PTPRD: variants seen among roughly 807,000 people sequenced by gnomAD.
PTPRD encodes the protein protein tyrosine phosphatase receptor type D.
Under a neutral mutation model 214.5 loss-of-function variants are expected in PTPRD, and 34 were observed. The observed-to-expected ratio is 0.16, with a 90% confidence interval of 0.12 to 0.21. The LOEUF (loss-of-function observed/expected upper bound fraction) is 0.21, where lower values mean the gene tolerates loss of function less well. Ranked by LOEUF, PTPRD falls within the 10% of genes least tolerant of loss-of-function variation. The pLI is 1.00. For synonymous variants in PTPRD, 1,128 were observed against 845.7 expected (o/e 1.33, Z -5.79); for missense variants, 2,545 against 2,398.7 (o/e 1.06, Z -1.27).
At chr9:10,028,677 G>C (rs1438283617) in intron 4 of PTPRD, among the ~76,000 whole-genome samples, 2 of 152,180 alleles carry the variant, frequency 1.3e-5, no homozygotes, top group Non-Finnish European at 2.9e-5. Flanking sequence ...CTTTGAACTT[G>C]AGGGGGATGA....
chr9:9,559,829 G>A (rs1009173131), intron 8 of PTPRD, among the ~76,000 whole-genome samples: 3 of 152,134 alleles, frequency 2.0e-5, no homozygotes, highest in Non-Finnish European at 2.9e-5. Context: ...ATATCCTCAG[G>A]CATGGGAGAG....
intron 7 of PTPRD, among the ~76,000 whole-genome samples, chr9:9,598,917 G>A (rs1361894504): frequency 2.0e-5 from 3 of 151,928 alleles, no homozygotes; most frequent in Non-Finnish European, 4.4e-5. Flanking sequence ...AGTGCCCCCT[G>A]TCTGACATTT....
intron 14 of PTPRD, among the ~76,000 whole-genome samples, chr9:8,628,756 A>C (rs1190440644): frequency 6.6e-6 from 1 of 151,882 alleles, no homozygotes; most frequent in Non-Finnish European, 1.5e-5. Context: ...CTTTTGTCCT[A>C]ATGGTGATCA....
At chr9:9,136,508 C>T (rs1569551052) in intron 10 of PTPRD, among the ~76,000 whole-genome samples, 1 of 152,006 alleles carries the variant, frequency 6.6e-6, no homozygotes, top group East Asian at 1.9e-4. Context: ...AATATAATCA[C>T]TACTTAGATT....
intron 11 of PTPRD, among the ~76,000 whole-genome samples, chr9:8,830,723 G>C (rs2097271018): frequency 1.3e-5 from 2 of 152,210 alleles, no homozygotes; most frequent in East Asian, 1.9e-4. Flanking sequence ...TTTAAAAAGA[G>C]AAAACAAGTG....
chr9:8,365,307 GA>G (rs1439955090), intron 39 of PTPRD, among the ~76,000 whole-genome samples: 16 of 152,206 alleles, frequency 1.1e-4, no homozygotes, highest in Admixed American at 6.5e-5. Context: ...AAGATGTAAA[GA>G]AAATATTTTT....
intron 14 of PTPRD, among the ~76,000 whole-genome samples, chr9:8,600,631 T>C (rs1169337262): frequency 6.6e-6 from 1 of 151,726 alleles, no homozygotes; most frequent in Admixed American, 6.6e-5. Context: ...AGGCCCCAGG[T>C]CCCTGATATT....
At chr9:10,204,191 C>T (rs2099452839) in intron 3 of PTPRD, among the ~76,000 whole-genome samples, 1 of 152,146 alleles carries the variant, frequency 6.6e-6, no homozygotes, top group Admixed American at 6.5e-5. Flanking sequence ...TTCCCAATTA[C>T]TCCATTTTTC....
intron 11 of PTPRD, among the ~76,000 whole-genome samples, chr9:8,892,539 AT>A (rs1396574544): frequency 6.6e-6 from 1 of 150,524 alleles, no homozygotes; most frequent in Non-Finnish European, 1.5e-5. Flanking sequence ...GTGTATATAT[AT>A]GTGTGTATAT....
At chr9:10,382,531 T>C (rs1372989359) in intron 2 of PTPRD, among the ~76,000 whole-genome samples, 3 of 151,882 alleles carry the variant, frequency 2.0e-5, no homozygotes, top group Non-Finnish European at 2.9e-5. Context: ...TTTTATGTTG[T>C]AGAATAGGAT....
At chr9:10,201,579 TATGTGTGTGTGTGC>T in intron 3 of PTPRD, among the ~76,000 whole-genome samples, 1 of 152,162 alleles carries the variant, frequency 6.6e-6, no homozygotes, top group East Asian at 1.9e-4. Flanking sequence ...TGTGCATATA[TATGTGTGTGTGTGC>T]ATGTGTGTGT....
At chr9:8,481,001 G>A (rs879326791) in intron 30 of PTPRD, among the ~76,000 whole-genome samples, 2 of 151,946 alleles carry the variant, frequency 1.3e-5, no homozygotes, top group Admixed American at 6.6e-5. Flanking sequence ...TTAGCCAGGC[G>A]TGGTGGTGGG....
chr9:8,789,495 A>C (rs1055101936), intron 11 of PTPRD, among the ~76,000 whole-genome samples: 3 of 152,200 alleles, frequency 2.0e-5, no homozygotes, highest in African/African-American at 7.2e-5. Flanking sequence ...CTAAGGCTGC[A>C]TCCCTGCCTT....
rs572070928 is a variant in PTPRD at position 8,611,102 on chromosome 9, T to G, written c.352+22215A>C. Among the ~76,000 whole-genome samples, 5 of 152,304 alleles carry G rather than the reference T, an allele frequency of 3.3e-5. No homozygotes were observed. The East Asian group carries it at 9.7e-4, about 29-fold the overall frequency. ...AAATAACATATCCAAAAGATTACAT[T>G]TCTTATAATCACTAAAATAGATGTA... On this transcript the variant is annotated intron_variant, in intron 14 of 45. Coordinates refer to ENST00000381196, the MANE Select transcript of PTPRD (RefSeq NM_002839.4).
chr9:9,388,817 G>A (rs4275269), intron 9 of PTPRD, among the ~76,000 whole-genome samples: 4 of 152,066 alleles, frequency 2.6e-5, no homozygotes, highest in Non-Finnish European at 4.4e-5. Flanking sequence ...CAAACACTCA[G>A]AAAGAATAAA....
chr9:10,361,050 C>G (rs555715362), intron 2 of PTPRD, among the ~76,000 whole-genome samples: 1 of 152,052 alleles, frequency 6.6e-6, no homozygotes, highest in African/African-American at 2.4e-5. Context: ...TGTAGTGAGC[C>G]GAGATGGAGC....
At chr9:9,484,086 T>C (rs2095528069) in intron 8 of PTPRD, among the ~76,000 whole-genome samples, 1 of 151,822 alleles carries the variant, frequency 6.6e-6, no homozygotes, top group South Asian at 2.1e-4. Context: ...TAAAGAAAAA[T>C]CTTTAAGAAT....
At chr9:9,653,705 C>T (rs1038284528) in intron 7 of PTPRD, among the ~76,000 whole-genome samples, 6 of 152,062 alleles carry the variant, frequency 3.9e-5, no homozygotes, top group Non-Finnish European at 8.8e-5. Flanking sequence ...AAATCCAGAC[C>T]AATGGTAAAA....
intron 11 of PTPRD, among the ~76,000 whole-genome samples, chr9:8,742,105 G>C (rs1462488504): frequency 1.3e-5 from 2 of 151,910 alleles, no homozygotes; most frequent in African/African-American, 2.4e-5. Context: ...TATACATCAA[G>C]CTATAAGACA....
Sources: gnomAD v4.1 joint callset for allele counts (sites outside exome capture counted in the v4.1 genomes callset) on GRCh38, gnomAD v4.1.1 for gene constraint, MANE v1.5 for transcripts, NCBI Gene and HGNC (gene_info 2026-07-23, HGNC 2026-07-21) for gene names.